Variants in MYO5A observed in about 807,000 individuals in gnomAD.
MYO5A encodes the protein myosin VA, also known as unconventional myosin-Va.
MYO5A carries 98 observed loss-of-function variants against 249.7 expected under a neutral mutation model. The ratio of observed to expected loss-of-function variants is 0.39; its 90% CI spans 0.33 to 0.46. The LOEUF (loss-of-function observed/expected upper bound fraction) is 0.46. MYO5A is among the 20% of genes least tolerant of loss of function. The pLI, the probability that MYO5A is intolerant of heterozygous loss-of-function variation, is 0.98. For missense variants in MYO5A, 1,696 were observed against 2,308.8 expected, an observed-to-expected ratio of 0.73 and a Z score of 5.44; for synonymous variants, 778 against 810.6, an observed-to-expected ratio of 0.96 and a Z score of 0.68.
intron 1 of MYO5A, among the ~76,000 whole-genome samples, chr15:52,513,408 G>A (rs2077434739): frequency 7.0e-6 from 1 of 143,536 alleles, no homozygotes; most frequent in East Asian, 2.2e-4. Flanking sequence ...TCCAGCCTGG[G>A]CAACAAGAGC....
intron 6 of MYO5A, 61 bp from the exon 7 acceptor site, chr15:52,408,201 CATAAA>C: frequency 1.0e-6 from 1 of 968,698 alleles, no homozygotes; most frequent in Admixed American, 1.8e-5. Flanking sequence ...GGAATTCTAT[CATAAA>C]ATAAGATTTT....
chr15:52,383,005 T>C lies in MYO5A; in HGVS notation c.2012+86A>G, dbSNP rs1408483399. On this transcript the variant is annotated intron_variant, in intron 16 of 41. Coordinates refer to ENST00000399233, the MANE Select transcript of MYO5A (RefSeq NM_001382347.1). ...CCAAATATTTTTTTCCTTATAAAAA[T>C]GTAAGGAAAATATTAGTTTGCTTGG... The C allele has an allele frequency of 3.4e-6, 4 of 1,186,832 alleles. No homozygotes were observed. In the African/African-American group the frequency reaches 4.5e-5, roughly 13 times the overall value. 73.5% of individuals were successfully genotyped at this position (1,186,832 alleles called of 1,614,324 possible).
At chr15:52,446,884 TG>T (rs2075902962) in intron 1 of MYO5A, among the ~76,000 whole-genome samples, 1 of 152,198 alleles carries the variant, frequency 6.6e-6, no homozygotes, top group Admixed American at 6.5e-5. Flanking sequence ...CCTTTTGGAA[TG>T]GGAGAAATGT....
chr15:52,515,712 A>G (rs2077483419), intron 1 of MYO5A, among the ~76,000 whole-genome samples: 1 of 152,178 alleles, frequency 6.6e-6, no homozygotes, highest in South Asian at 2.1e-4. Context: ...GAAGATGTCC[A>G]TAAGGCAGTT....
At chr15:52,450,353 T>C (rs1296672280) in intron 1 of MYO5A, among the ~76,000 whole-genome samples, 1 of 151,654 alleles carries the variant, frequency 6.6e-6, no homozygotes, top group East Asian at 1.9e-4. Context: ...TTCTCATTAA[T>C]AATATTCTTT....
chr15:52,429,062 T>C (rs1198980832), intron 2 of MYO5A, among the ~76,000 whole-genome samples: 1 of 152,176 alleles, frequency 6.6e-6, no homozygotes, highest in African/African-American at 2.4e-5. Context: ...AAAAAGTAAA[T>C]GAGGCAAGTC....
At chr15:52,338,023 C>G in intron 32 of MYO5A, 139 bp from the exon 33 acceptor site, 1 of 588,442 alleles carries the variant, frequency 1.7e-6, no homozygotes, top group Non-Finnish European at 3.0e-6. Context: ...TGATTTGTCA[C>G]CTTCCATTAC....
chr15:52,428,275 A>G (rs539815748), intron 3 of MYO5A, 123 bp downstream of exon 3: 6 of 982,804 alleles, frequency 6.1e-6, no homozygotes, highest in Non-Finnish European at 9.6e-6. Context: ...GATAACGCTC[A>G]AGTGATTTTG....
Position 52,372,343 on chromosome 15 carries a change from T to G in MYO5A, c.2598A>C (p.Ala866=). The part of the protein sequence containing the change: ...RYRKILREHK[A]VIIQKRVRGW... ...CCCGGACTCGCTTCTGAATGATGAC[T>G]GCTTTGTGCTCACGGAGTATCTGCA... The change falls in exon 21 of 42, where the codon GCA becomes GCC. Residue 866 remains alanine, a synonymous_variant. Transcript: ENST00000399233. 1 of 1,603,360 alleles carries G rather than the reference T, an allele frequency of 6.2e-7. No individual in the cohort carries two copies. Among genetic ancestry groups the G allele is most frequent in the Non-Finnish European group, 8.5e-7 (1 of 1,179,932 alleles).
intron 9 of MYO5A, among the ~76,000 whole-genome samples, chr15:52,401,374 A>G (rs768076055): frequency 6.6e-6 from 1 of 152,160 alleles, no homozygotes; most frequent in African/African-American, 2.4e-5. Flanking sequence ...CTGGCCTCTC[A>G]TAAGTTTTTA....
chr15:52,495,433 C>A (rs184865957), intron 1 of MYO5A, among the ~76,000 whole-genome samples: 1 of 152,250 alleles, frequency 6.6e-6, no homozygotes, highest in African/African-American at 2.4e-5. Context: ...TCAAAAAACA[C>A]AAAATTTCAG....
intron 6 of MYO5A, among the ~76,000 whole-genome samples, chr15:52,409,853 T>C (rs2043172838): frequency 6.6e-6 from 1 of 152,186 alleles, no homozygotes; most frequent in South Asian, 2.1e-4. Flanking sequence ...AACTGTTTTT[T>C]TGATAGTAGT....
intron 1 of MYO5A, among the ~76,000 whole-genome samples, chr15:52,515,346 GA>G (rs2077475606): frequency 6.6e-6 from 1 of 151,276 alleles, no homozygotes; most frequent in Non-Finnish European, 1.5e-5. Flanking sequence ...ACAGTACTAG[GA>G]AATGATAACT....
chr15:52,347,368 T>C (rs1430775941), intron 29 of MYO5A, among the ~76,000 whole-genome samples: 1 of 152,114 alleles, frequency 6.6e-6, no homozygotes, highest in Non-Finnish European at 1.5e-5. Context: ...GTGTAGCCTC[T>C]AAAAAACAAT....
intron 1 of MYO5A, among the ~76,000 whole-genome samples, chr15:52,440,823 C>A (rs879430117): frequency 6.6e-6 from 1 of 152,210 alleles, no homozygotes; most frequent in African/African-American, 2.4e-5. Context: ...CTCTTCTCCC[C>A]CTAACTCCCA....
chr15:52,528,648 T>C, intron 1 of MYO5A, 132 bp downstream of exon 1: 1 of 1,077,844 alleles, frequency 9.3e-7, no homozygotes, highest in Non-Finnish European at 1.3e-6. Flanking sequence ...GGCCGAGGGT[T>C]CTGAGGCGCT....
chr15:52,434,005 T>TC (rs892677459), intron 1 of MYO5A, among the ~76,000 whole-genome samples: 1 of 149,430 alleles, frequency 6.7e-6, no homozygotes, highest in African/African-American at 2.5e-5. Flanking sequence ...TTTTCTTTTT[T>TC]TTTTTTTTTT....
chr15:52,354,700 A>G (rs2040124106), intron 25 of MYO5A, among the ~76,000 whole-genome samples: 2 of 152,198 alleles, frequency 1.3e-5, no homozygotes, highest in South Asian at 4.1e-4. Flanking sequence ...CTAAAAATAT[A>G]AAAATTAGCC....
chr15:52,448,528 T>C (rs192733396), intron 1 of MYO5A, among the ~76,000 whole-genome samples: 9 of 152,286 alleles, frequency 5.9e-5, no homozygotes, highest in Admixed American at 2.0e-4. Flanking sequence ...CTTTGGACTA[T>C]TGGGAATTGT....
Sources: allele counts gnomAD v4.1 joint callset (sites outside exome capture counted in the v4.1 genomes callset), GRCh38; gene constraint gnomAD v4.1.1; transcripts MANE v1.5; gene names NCBI Gene and HGNC (gene_info 2026-07-23, HGNC 2026-07-21).